Variants in PTCHD4 observed in about 807,000 individuals in gnomAD.
The protein encoded by PTCHD4 is patched domain-containing protein 4.
PTCHD4 carries 33 observed loss-of-function variants against 58.1 expected under a neutral mutation model. The ratio of observed to expected loss-of-function variants is 0.57; its 90% CI spans 0.43 to 0.76. The LOEUF is 0.76. PTCHD4 is among the 30% of genes least tolerant of loss of function. The pLI is 0.00. For synonymous variants in PTCHD4, 478 were observed against 409.6 expected (o/e 1.17, Z -2.02); for missense variants, 1,058 against 1,027.1 (o/e 1.03, Z -0.41).
At chr6:48,026,125 T>C (rs114315987) in intron 3 of PTCHD4, among the ~76,000 whole-genome samples, 1,698 of 152,262 alleles carry the variant, frequency 0.011, 37 homozygotes, top group African/African-American at 0.037. Flanking sequence ...GATATGTGTG[T>C]TAGAAGTTCT....
intron 4 of PTCHD4, among the ~76,000 whole-genome samples, chr6:48,002,063 A>G (rs143569619): frequency 5.2e-4 from 79 of 152,344 alleles, no homozygotes; most frequent in Middle Eastern, 6.8e-3. Context: ...ACAATGAGAT[A>G]CCATCACACA....
chr6:48,010,900 A>G (rs1360250062), intron 3 of PTCHD4, among the ~76,000 whole-genome samples: 1 of 151,964 alleles, frequency 6.6e-6, no homozygotes, highest in Non-Finnish European at 1.5e-5. Flanking sequence ...CATCCAAAGG[A>G]CATGAACTCA....
chr6:47,965,809 G>T (rs575442619), intron 4 of PTCHD4, among the ~76,000 whole-genome samples: 7 of 152,228 alleles, frequency 4.6e-5, no homozygotes, highest in Admixed American at 1.3e-4. Context: ...CAGCTACTCG[G>T]GAGGCTGAGG....
chr6:48,061,331 T>C (rs935139679), intron 3 of PTCHD4, among the ~76,000 whole-genome samples: 2 of 151,810 alleles, frequency 1.3e-5, no homozygotes, highest in African/African-American at 4.8e-5. Flanking sequence ...GGGATGAGGG[T>C]TTTTCAATAT....
At position 47,859,006 on chromosome 6, in the gene PTCHD4, A is replaced by G. The variant is rs1459231772; in HGVS notation, c.*19297T>C. Among the ~76,000 whole-genome samples, 1 of 152,082 alleles carries G rather than the reference A, an allele frequency of 6.6e-6. No homozygotes were observed. The highest frequency in any genetic ancestry group is 2.4e-5 in the African/African-American group (1 of 41,446). On this transcript the variant is annotated 3_prime_UTR_variant, in exon 5 of 5. Transcript: ENST00000339488. ...ATGAATCATTAATGTGAGCTTGGAAACAGCAGGTAGAAAACCAATAAATTA... is the reference window on the plus strand; with the variant it reads ...ATGAATCATTAATGTGAGCTTGGAAGCAGCAGGTAGAAAACCAATAAATTA...
intron 3 of PTCHD4, among the ~76,000 whole-genome samples, chr6:48,027,712 A>C (rs1231627425): frequency 2.0e-5 from 3 of 152,200 alleles, no homozygotes; most frequent in Non-Finnish European, 4.4e-5. Context: ...GTTGGTAAAC[A>C]TGAAGAATTG....
Position 47,870,531 on chromosome 6 carries a change from A to G in PTCHD4, c.*7772T>C, listed in dbSNP as rs1160327243. On this transcript the variant is annotated 3_prime_UTR_variant, in exon 5 of 5. Transcript: ENST00000339488. Reference sequence around the variant, plus strand: ...TTGCAAAATGTTTTTTCACTGATCAACATAGAGGTAAATTTTGATAATGGA... The same window carrying G: ...TTGCAAAATGTTTTTTCACTGATCAGCATAGAGGTAAATTTTGATAATGGA... 6.6e-6 allele frequency among the ~76,000 whole-genome samples: 1 copy of G among 151,692 alleles called. No individual in the cohort carries two copies. The highest frequency in any genetic ancestry group is 1.5e-5 in the Non-Finnish European group (1 of 67,744).
intron 4 of PTCHD4, among the ~76,000 whole-genome samples, chr6:47,906,479 T>C (rs2113859806): frequency 6.6e-6 from 1 of 152,232 alleles, no homozygotes. Flanking sequence ...CCACGAGCCA[T>C]ATACTCTGGT....
At chr6:48,100,789 T>G (rs1244269037) in intron 1 of PTCHD4, among the ~76,000 whole-genome samples, 7 of 152,226 alleles carry the variant, frequency 4.6e-5, no homozygotes, top group Non-Finnish European at 1.0e-4. Context: ...TAAACACATA[T>G]ACATTTTTTT....
intron 4 of PTCHD4, among the ~76,000 whole-genome samples, chr6:47,972,327 T>A (rs1477425090): frequency 6.6e-6 from 1 of 152,186 alleles, no homozygotes; most frequent in Non-Finnish European, 1.5e-5. Flanking sequence ...GGATAATGGT[T>A]ATGTTAGAAA....
chr6:48,108,749 T>G (rs1464906809), intron 1 of PTCHD4, among the ~76,000 whole-genome samples: 1 of 151,932 alleles, frequency 6.6e-6, no homozygotes, highest in Non-Finnish European at 1.5e-5. Context: ...ATGTTGAAAA[T>G]AATTCCAAGA....
intron 4 of PTCHD4, among the ~76,000 whole-genome samples, chr6:47,977,807 C>T (rs1406705527): frequency 6.6e-6 from 1 of 152,100 alleles, no homozygotes; most frequent in East Asian, 1.9e-4. Flanking sequence ...AAATAGCACA[C>T]TCTATTTATA....
intron 3 of PTCHD4, among the ~76,000 whole-genome samples, chr6:48,061,439 T>C (rs896061202): frequency 6.6e-6 from 1 of 152,226 alleles, no homozygotes; most frequent in African/African-American, 2.4e-5. Flanking sequence ...CCATATTTTC[T>C]TATGGCATAT....
At position 47,875,689 on chromosome 6, in the gene PTCHD4, T is replaced by G. The variant is rs1236038512; in HGVS notation, c.*2614A>C. Among the ~76,000 whole-genome samples, 1 of 151,854 alleles carries G rather than the reference T, an allele frequency of 6.6e-6. No homozygotes were observed. Among genetic ancestry groups the G allele is most frequent in the Non-Finnish European group, 1.5e-5 (1 of 67,896 alleles). ...AGACATAAACTAAAAAAGAACTGTTTTTCCCTATCTAAACAGAGACTATCT... is the reference window on the plus strand; with the variant it reads ...AGACATAAACTAAAAAAGAACTGTTGTTCCCTATCTAAACAGAGACTATCT... On this transcript the variant is annotated 3_prime_UTR_variant, in exon 5 of 5. Transcript: ENST00000339488.
intron 3 of PTCHD4, among the ~76,000 whole-genome samples, chr6:48,051,168 G>A (rs184432994): frequency 6.6e-6 from 1 of 151,718 alleles, no homozygotes; most frequent in African/African-American, 2.4e-5. Context: ...GATTTAATAT[G>A]ACCTTTTATA....
intron 4 of PTCHD4, among the ~76,000 whole-genome samples, chr6:47,952,946 T>C (rs1213126421): frequency 6.6e-6 from 1 of 152,096 alleles, no homozygotes; most frequent in East Asian, 1.9e-4. Context: ...ATATATGCAG[T>C]ATATTTCATA....
intron 3 of PTCHD4, among the ~76,000 whole-genome samples, chr6:48,019,644 G>C (rs1762991923): frequency 6.6e-6 from 1 of 151,964 alleles, no homozygotes; most frequent in African/African-American, 2.4e-5. Flanking sequence ...GCTGAGGCAG[G>C]AGAATGGCGT....
chr6:47,907,430 A>G (rs1201452917), intron 4 of PTCHD4, among the ~76,000 whole-genome samples: 2 of 152,218 alleles, frequency 1.3e-5, no homozygotes, highest in Non-Finnish European at 2.9e-5. Context: ...TGGCCATAAT[A>G]CAAGAGACAA....
In PTCHD4 at chr6:47,878,099, C is replaced by G; in HGVS notation, c.*204G>C. 2.1e-6 allele frequency: 1 copy of G among 476,960 alleles called. No homozygotes were observed. Among genetic ancestry groups the G allele is most frequent in the Non-Finnish European group, 3.7e-6 (1 of 272,488 alleles). The allele number at this position is 476,960 out of a possible 1,614,324, so 29.5% of individuals were successfully genotyped here. On this transcript the variant is annotated 3_prime_UTR_variant, in exon 5 of 5. Transcript: ENST00000339488. ...CCAGAAACTTGTTTTTAGAGGAGAACAAGGTTGCAAATAACTTTTTCCTCT... is the reference window on the plus strand; with the variant it reads ...CCAGAAACTTGTTTTTAGAGGAGAAGAAGGTTGCAAATAACTTTTTCCTCT...
Sources: gnomAD v4.1 joint callset for allele counts (sites outside exome capture counted in the v4.1 genomes callset) on GRCh38, gnomAD v4.1.1 for gene constraint, MANE v1.5 for transcripts, NCBI Gene and HGNC (gene_info 2026-07-23, HGNC 2026-07-21) for gene names.